The following ARHGAP9 variants were observed in gnomAD, a reference collection of about 807,000 sequenced individuals.
The protein encoded by ARHGAP9 is Rho GTPase activating protein 9.
In ARHGAP9, 76 loss-of-function variants were observed where a neutral mutation model predicts 87.3. That is an observed-to-expected ratio of 0.87 (90% CI 0.72 to 1.05). The LOEUF (loss-of-function observed/expected upper bound fraction) is 1.05. ARHGAP9 is among the 50% of genes least tolerant of loss of function. The pLI, the probability that ARHGAP9 is intolerant of heterozygous loss-of-function variation, is 0.00. For missense variants in ARHGAP9, 941 were observed against 960.5 expected, an observed-to-expected ratio of 0.98 and a Z score of 0.27; for synonymous variants, 382 against 394.9, an observed-to-expected ratio of 0.97 and a Z score of 0.39.
intron 1 of ARHGAP9, chr12:57,488,011 CCCGGCGTGCCTCGCGGAGG>C: frequency 8.3e-7 from 1 of 1,211,546 alleles, no homozygotes; most frequent in Admixed American, 1.7e-5. Context: ...AACTCCATTT[CCCGGCGTGCCTCGCGGAGG>C]CCGCTGAACT....
chr12:57,477,386 A>T, intron 4 of ARHGAP9, 73 bp downstream of exon 4: 1 of 1,559,256 alleles, frequency 6.4e-7, no homozygotes, highest in Non-Finnish European at 8.8e-7. Flanking sequence ...GAGAGAAAAC[A>T]CACTACCTTG....
chr12:57,477,212 G>A lies in ARHGAP9; in HGVS notation c.814C>T (p.Pro272Ser), dbSNP rs866205326. 1 of 1,607,308 alleles carries A rather than the reference G, an allele frequency of 6.2e-7. No individual in the cohort carries two copies. The highest frequency in any genetic ancestry group is 8.5e-7 in the Non-Finnish European group (1 of 1,176,426). Residue 272 changes from proline (P) to serine (S), a missense_variant, in exon 5 of 18, where the codon CCT becomes TCT. Pro to Ser is a moderately conservative substitution (Grantham distance 74). Coordinates refer to ENST00000393791, the MANE Select transcript of ARHGAP9 (RefSeq NM_032496.4). Reference protein sequence around the residue: ...TLKRNNDVLQPQAKGFRSDTG... With the variant: ...TLKRNNDVLQSQAKGFRSDTG... ...TCAGATCTGAAGCCCTTTGCCTGAG[G>A]TTGCAGGACATCATTGTTCCTCTTC...
At chr12:57,485,834 T>A (rs917892718) in intron 1 of ARHGAP9, among the ~76,000 whole-genome samples, 22 of 152,180 alleles carry the variant, frequency 1.4e-4, no homozygotes, top group African/African-American at 5.1e-4. Context: ...CAAGGGTTAC[T>A]TAAGAGTTTT....
chr12:57,487,932 CTT>C (rs890000598), intron 1 of ARHGAP9: 7 of 640,404 alleles, frequency 1.1e-5, no homozygotes, highest in Admixed American at 7.3e-5. Context: ...TTTCCTGTGT[CTT>C]AGCGTTGCAT....
chr12:57,476,048 G>C (rs777214715), intron 9 of ARHGAP9, 23 bp downstream of exon 9: 128 of 1,515,250 alleles, frequency 8.4e-5, no homozygotes, highest in Middle Eastern at 1.7e-4. Context: ...TGGGGCCTTG[G>C]GGACGCGCGG....
upstream of ARHGAP9, among the ~76,000 whole-genome samples, chr12:57,483,664 C>T (rs190034113): frequency 1.2e-4 from 19 of 152,284 alleles, no homozygotes; most frequent in Non-Finnish European, 2.5e-4. Flanking sequence ...GCCTGAAACA[C>T]GTCCCTTCTC....
rs780682878 is a variant in ARHGAP9, at chr12:57,476,607, T to G, written c.1008A>C (p.Gln336His). 17 of 1,613,936 alleles carry G rather than the reference T, an allele frequency of 1.1e-5. No individual in the cohort carries two copies. The highest frequency in any genetic ancestry group is 1.4e-5 in the Non-Finnish European group (17 of 1,180,004). ...GTTCTCACCTGAGCTTGCGCCCCCC[T>G]TGGGCAATCTTGGTCATGTTGAGCA... Reference protein sequence around the residue: ...SGLLNMTKIAQGGRKLRKNWG... With the variant: ...SGLLNMTKIAHGGRKLRKNWG... Residue 336 changes from glutamine (Q) to histidine (H), a missense_variant, in exon 7 of 18, where the codon CAA becomes CAC. By Grantham distance (24) the Gln-to-His change is conservative. Transcript: ENST00000393791.
rs1243893742 is a variant in ARHGAP9, at chr12:57,475,529, C to T, written c.1398G>A (p.Glu466=). ...GGCGCAGCAGCGGCTTGGACACCAGCTCCGACTCCTCTTCTTCGTCCTCCC... is the reference window on the plus strand; with the variant it reads ...GGCGCAGCAGCGGCTTGGACACCAGTTCCGACTCCTCTTCTTCGTCCTCCC... The part of the protein sequence containing the change: ...SAGEDEEEES[E]LVSKPLLRLS... Residue 466 remains glutamate, a synonymous_variant, in exon 11 of 18, where the codon GAG becomes GAA. Coordinates refer to ENST00000393791, the MANE Select transcript of ARHGAP9 (RefSeq NM_032496.4). 2 of 1,605,100 alleles carry T rather than the reference C, an allele frequency of 1.2e-6. No individual in the cohort carries two copies. The highest frequency in any genetic ancestry group is 1.7e-5 in the Admixed American group (1 of 58,846).
upstream of ARHGAP9, among the ~76,000 whole-genome samples, chr12:57,482,654 G>A (rs1875109892): frequency 6.6e-6 from 1 of 152,108 alleles, no homozygotes; most frequent in Non-Finnish European, 1.5e-5. Context: ...GCAGTGATGC[G>A]TGATAGTGCT....
At position 57,476,979 on chromosome 12, in the gene ARHGAP9, G is replaced by A; in HGVS notation, c.871-16C>T. The A allele has an allele frequency of 6.2e-7, 1 of 1,612,574 alleles. No homozygotes were observed. Among genetic ancestry groups the A allele is most frequent in the Non-Finnish European group, 8.5e-7 (1 of 1,179,262 alleles). On this transcript the variant is annotated splice_polypyrimidine_tract_variant and intron_variant, in intron 5 of 17. Transcript: ENST00000393791. ...TGAGTGAACCCTAGGGGAGAGGATT[G>A]GAGAAACAGGTGGGGAAACGCTCGA...
chr12:57,478,139 G>A (rs190813458), intron 3 of ARHGAP9: 198 of 331,656 alleles, frequency 6.0e-4, no homozygotes, highest in African/African-American at 4.1e-3. Context: ...TAGCCTATCA[G>A]GCAAGCAGAA....
chr12:57,481,912 C>T (rs1594797074), upstream of ARHGAP9, among the ~76,000 whole-genome samples: 1 of 152,156 alleles, frequency 6.6e-6, no homozygotes, highest in African/African-American at 2.4e-5. Flanking sequence ...TGGTCTTATT[C>T]TCTCCCCAGC....
intron 15 of ARHGAP9, 118 bp from the exon 16 acceptor site, chr12:57,474,294 G>A (rs1872803987): frequency 6.3e-7 from 1 of 1,575,172 alleles, no homozygotes; most frequent in South Asian, 1.1e-5. Flanking sequence ...TAGAGGGTCT[G>A]CAGTGGGGCA....
chr12:57,482,156 C>T (rs551105706), upstream of ARHGAP9, among the ~76,000 whole-genome samples: 4 of 152,264 alleles, frequency 2.6e-5, no homozygotes, highest in South Asian at 8.3e-4. Flanking sequence ...CACCTATAAT[C>T]CCAGCACTTT....
At chr12:57,478,459 C>G in intron 3 of ARHGAP9, 81 bp downstream of exon 3, 2 of 1,368,386 alleles carry the variant, frequency 1.5e-6, no homozygotes, top group Middle Eastern at 2.3e-4. Flanking sequence ...GTTTGTCATC[C>G]CCAGGGGAGT....
At chr12:57,484,453 G>A (rs748102869), upstream of ARHGAP9, among the ~76,000 whole-genome samples, 62 of 152,016 alleles carry the variant, frequency 4.1e-4, no homozygotes, top group Non-Finnish European at 7.4e-4. Flanking sequence ...CACACTTTAA[G>A]GATTATTTGA....
intron 1 of ARHGAP9, among the ~76,000 whole-genome samples, chr12:57,486,857 G>C (rs1875454329): frequency 1.4e-5 from 2 of 141,106 alleles, no homozygotes; most frequent in African/African-American, 5.1e-5. Context: ...CTGCAGTCCA[G>C]ACTGGGGGGC....
intron 1 of ARHGAP9, chr12:57,488,109 G>T: frequency 6.2e-7 from 1 of 1,614,206 alleles, no homozygotes; most frequent in East Asian, 2.2e-5. Context: ...GTTCGTGAGT[G>T]ATGGCGTCCC....
At chr12:57,486,897 A>AC in intron 1 of ARHGAP9, among the ~76,000 whole-genome samples, 1 of 150,722 alleles carries the variant, frequency 6.6e-6, no homozygotes, top group South Asian at 2.1e-4. Flanking sequence ...AAGAAAAAAA[A>AC]AAAAAAGAGA....
Sources: gnomAD v4.1 joint callset for allele counts (sites outside exome capture counted in the v4.1 genomes callset) on GRCh38, gnomAD v4.1.1 for gene constraint, MANE v1.5 for transcripts, NCBI Gene and HGNC (gene_info 2026-07-23, HGNC 2026-07-21) for gene names.